The following CNTN4 variants were observed in gnomAD, a reference collection of about 807,000 sequenced individuals.
CNTN4 encodes contactin-4.
A neutral mutation model predicts 122.5 loss-of-function variants in CNTN4; 77 were observed. The ratio of observed to expected loss-of-function variants is 0.63; its 90% CI spans 0.52 to 0.76. The LOEUF (loss-of-function observed/expected upper bound fraction) is 0.76, where lower values mean the gene tolerates loss of function less well. Among genes scored for constraint, CNTN4 ranks in the 30% least tolerant of loss-of-function variants. The pLI, the probability that CNTN4 is intolerant of heterozygous loss-of-function variation, is 0.00. For synonymous variants in CNTN4, 512 were observed against 447.0 expected (o/e 1.15, Z -1.83); for missense variants, 1,256 against 1,259.1 (o/e 1.00, Z 0.04).
At chr3:2,539,350 C>G (rs952847438) in intron 3 of CNTN4, among the ~76,000 whole-genome samples, 1 of 152,106 alleles carries the variant, frequency 6.6e-6, no homozygotes, top group African/African-American at 2.4e-5. Context: ...TGAACCTCAT[C>G]TTTCCCCATT....
intron 14 of CNTN4, among the ~76,000 whole-genome samples, chr3:2,991,894 A>C: frequency 6.6e-6 from 1 of 152,238 alleles, no homozygotes. Context: ...CTGTAACCTT[A>C]AAATGTGCTT....
At chr3:2,516,311 G>A (rs1335866244) in intron 3 of CNTN4, among the ~76,000 whole-genome samples, 2 of 151,782 alleles carry the variant, frequency 1.3e-5, no homozygotes, top group Non-Finnish European at 2.9e-5. Context: ...TTGTTTTATC[G>A]TCGTGCATCC....
chr3:2,617,141 G>C (rs1324071122), intron 4 of CNTN4, among the ~76,000 whole-genome samples: 1 of 152,120 alleles, frequency 6.6e-6, no homozygotes, highest in Non-Finnish European at 1.5e-5. Flanking sequence ...ATTGACAAAT[G>C]GGATCTAATT....
At chr3:2,384,177 C>G (rs929075994) in intron 3 of CNTN4, among the ~76,000 whole-genome samples, 1 of 152,074 alleles carries the variant, frequency 6.6e-6, no homozygotes, top group Non-Finnish European at 1.5e-5. Flanking sequence ...ACTCAGTAAC[C>G]TTTAATTGCT....
At chr3:2,915,903 T>A (rs1394379116) in intron 12 of CNTN4, among the ~76,000 whole-genome samples, 1 of 152,186 alleles carries the variant, frequency 6.6e-6, no homozygotes, top group Non-Finnish European at 1.5e-5. Flanking sequence ...CTTGAGGACA[T>A]TATGCTAATG....
intron 12 of CNTN4, 141 bp downstream of exon 12, chr3:2,903,146 G>A (rs575603679): frequency 1.3e-6 from 1 of 777,462 alleles, no homozygotes; most frequent in East Asian, 2.7e-5. Context: ...CAAGAAACAA[G>A]TAATAAGCAA....
intron 4 of CNTN4, among the ~76,000 whole-genome samples, chr3:2,617,177 A>T (rs1256656957): frequency 6.6e-6 from 1 of 152,176 alleles, no homozygotes; most frequent in Non-Finnish European, 1.5e-5. Flanking sequence ...TGCACAGCAA[A>T]ATAAACTATC....
At chr3:2,785,979 G>T (rs981423961) in intron 6 of CNTN4, among the ~76,000 whole-genome samples, 5 of 147,368 alleles carry the variant, frequency 3.4e-5, no homozygotes, top group Non-Finnish European at 4.4e-5. Flanking sequence ...GGAGAGAAGA[G>T]GTGTCCGAAC....
chr3:2,853,306 G>A (rs1343416251), intron 7 of CNTN4, among the ~76,000 whole-genome samples: 1 of 152,072 alleles, frequency 6.6e-6, no homozygotes, highest in Non-Finnish European at 1.5e-5. Flanking sequence ...GTGCAGTGGT[G>A]CGATCTCGGC....
At chr3:2,816,817 C>T (rs1290576833) in intron 6 of CNTN4, among the ~76,000 whole-genome samples, 21 of 60,690 alleles carry the variant, frequency 3.5e-4, no homozygotes, top group African/African-American at 1.1e-3. Context: ...GAGACTCTGT[C>T]TCCAAAAAAA....
intron 2 of CNTN4, among the ~76,000 whole-genome samples, chr3:2,265,766 T>A (rs11707004): frequency 0.069 from 2,655 of 38,210 alleles, 49 homozygotes; most frequent in South Asian, 0.2. Flanking sequence ...ATATATATAT[T>A]TTTTTTTGTG....
intron 3 of CNTN4, among the ~76,000 whole-genome samples, chr3:2,350,260 T>C (rs1441654442): frequency 1.3e-5 from 2 of 152,156 alleles, no homozygotes; most frequent in Admixed American, 6.5e-5. Flanking sequence ...ATGTTGGTAA[T>C]GACAGAACCT....
chr3:2,734,648 CTTT>C (rs71058638), intron 4 of CNTN4, among the ~76,000 whole-genome samples: 4 of 139,514 alleles, frequency 2.9e-5, no homozygotes, highest in Non-Finnish European at 4.6e-5. Flanking sequence ...GCATGAAGTG[CTTT>C]TTTTTTTTTT....
chr3:2,349,298 G>A (rs11712193), intron 3 of CNTN4, among the ~76,000 whole-genome samples: 19,341 of 151,794 alleles, frequency 0.13, 1,531 homozygotes, highest in Non-Finnish European at 0.18. Flanking sequence ...TTTTACATAA[G>A]TAAATTAGGG....
chr3:2,413,528 A>T (rs1575580680), intron 3 of CNTN4, among the ~76,000 whole-genome samples: 3 of 151,872 alleles, frequency 2.0e-5, no homozygotes, highest in Admixed American at 2.0e-4. Flanking sequence ...TTCTGAAAAT[A>T]TTTTTATATA....
chr3:2,659,142 A>G (rs1405092010), intron 4 of CNTN4, among the ~76,000 whole-genome samples: 1 of 152,112 alleles, frequency 6.6e-6, no homozygotes, highest in African/African-American at 2.4e-5. Flanking sequence ...TCTTTATTGA[A>G]GAGTAAAATT....
chr3:2,635,580 G>T (rs906626264), intron 4 of CNTN4, among the ~76,000 whole-genome samples: 2 of 152,076 alleles, frequency 1.3e-5, no homozygotes, highest in African/African-American at 4.8e-5. Flanking sequence ...TTTCACAAGG[G>T]CGCCTTGAAT....
intron 7 of CNTN4, among the ~76,000 whole-genome samples, chr3:2,859,682 C>G (rs2150758589): frequency 6.6e-6 from 1 of 152,240 alleles, no homozygotes; most frequent in East Asian, 1.9e-4. Flanking sequence ...TATGCTGAAG[C>G]CATTCACTGC....
intron 4 of CNTN4, among the ~76,000 whole-genome samples, chr3:2,667,901 T>C (rs2084265898): frequency 6.6e-6 from 1 of 152,130 alleles, no homozygotes; most frequent in South Asian, 2.1e-4. Flanking sequence ...CAGATAGTTA[T>C]AGATATGTGG....
Sources: gnomAD v4.1 joint callset for allele counts (sites outside exome capture counted in the v4.1 genomes callset) on GRCh38, gnomAD v4.1.1 for gene constraint, MANE v1.5 for transcripts, NCBI Gene and HGNC (gene_info 2026-07-23, HGNC 2026-07-21) for gene names.